The following GIPC2 variants were observed in gnomAD, a reference collection of about 807,000 sequenced individuals.
GIPC2 encodes GIPC PDZ domain containing family member 2, also known as PDZ domain-containing protein GIPC2.
Under a neutral mutation model 30.6 loss-of-function variants are expected in GIPC2, and 30 were observed. That is an observed-to-expected ratio of 0.98 (90% confidence interval 0.73 to 1.33). GIPC2 has a LOEUF of 1.33. Ranked by LOEUF, GIPC2 falls within the 40% of genes most tolerant of loss-of-function variation. The pLI, the probability that GIPC2 is intolerant of heterozygous loss-of-function variation, is 0.00. For missense variants in GIPC2, 414 were observed against 390.3 expected (o/e 1.06, Z -0.51); for synonymous variants, 167 against 150.0 (o/e 1.11, Z -0.83).
intron 1 of GIPC2, among the ~76,000 whole-genome samples, chr1:78,051,758 G>A (rs1661201728): frequency 1.3e-5 from 2 of 152,162 alleles, no homozygotes; most frequent in Admixed American, 6.5e-5. Flanking sequence ...GCCTCCCAAA[G>A]TGCTAGGATT....
At chr1:78,104,848 C>G (rs375229380) in intron 3 of GIPC2, among the ~76,000 whole-genome samples, 1 of 152,110 alleles carries the variant, frequency 6.6e-6, no homozygotes, top group Admixed American at 6.6e-5. Context: ...TACTCTCTTT[C>G]ATGTATTTTT....
intron 1 of GIPC2, among the ~76,000 whole-genome samples, chr1:78,048,890 A>G (rs1307476307): frequency 6.6e-6 from 1 of 152,244 alleles, no homozygotes; most frequent in Non-Finnish European, 1.5e-5. Context: ...ATAACATTTT[A>G]TAACCCGGGT....
At position 78,046,064 on chromosome 1, in the gene GIPC2, G is replaced by C. The variant is rs1661063706; in HGVS notation, c.-31G>C. 7.1e-6 allele frequency: 10 copies of C among 1,407,784 alleles called. No individual in the cohort carries two copies. Among genetic ancestry groups the C allele is most frequent in the Non-Finnish European group, 9.2e-6 (10 of 1,083,960 alleles). The allele number at this position is 1,407,784 out of a possible 1,614,324, so 87.2% of individuals were successfully genotyped here. On this transcript the variant is annotated 5_prime_UTR_variant, in exon 1 of 6. Transcript: ENST00000370759. The stretch of plus-strand genomic sequence containing the variant: ...GGGGGAGGAGGCGGCGGACGGCAGC[G>C]CAGGTGGGCCCGCGCTCTCGGCCCT...
intron 4 of GIPC2, among the ~76,000 whole-genome samples, chr1:78,123,791 G>A (rs751918804): frequency 3.9e-5 from 6 of 152,192 alleles, no homozygotes; most frequent in Non-Finnish European, 5.9e-5. Flanking sequence ...ACTTGTCACC[G>A]TAACTTAAAA....
chr1:78,103,438 G>A (rs1662287042), intron 3 of GIPC2, among the ~76,000 whole-genome samples: 1 of 152,162 alleles, frequency 6.6e-6, no homozygotes, highest in African/African-American at 2.4e-5. Context: ...GTATGTATGT[G>A]CTTAGAACAG....
chr1:78,109,427 C>A (rs956789572), intron 3 of GIPC2, among the ~76,000 whole-genome samples: 3 of 152,166 alleles, frequency 2.0e-5, no homozygotes, highest in Non-Finnish European at 4.4e-5. Context: ...TAATAGAATG[C>A]AAAATGAGGT....
chr1:78,125,934 G>A lies in GIPC2; in HGVS notation c.768G>A (p.Leu256=), dbSNP rs746791727. ...AIEKIDDVLE[L]YMGIRDIDLA... is the part of the protein sequence containing the mutation. ...AAAAGATTGATGATGTTCTTGAGTTGTACATGGGAATTCGAGATATTGATT... is the reference window on the plus strand; with the variant it reads ...AAAAGATTGATGATGTTCTTGAGTTATACATGGGAATTCGAGATATTGATT... Residue 256 remains leucine, a synonymous_variant, in exon 5 of 6, where the codon TTG becomes TTA. Coordinates refer to ENST00000370759, the MANE Select transcript of GIPC2 (RefSeq NM_017655.6). 55 of 1,574,012 alleles carry A rather than the reference G, an allele frequency of 3.5e-5. No individual in the cohort carries two copies. The South Asian group carries it at 5.2e-4, about 15-fold the overall frequency.
chr1:78,069,938 G>A (rs567840223), intron 1 of GIPC2, among the ~76,000 whole-genome samples: 23 of 152,240 alleles, frequency 1.5e-4, no homozygotes, highest in Admixed American at 9.8e-4. Context: ...GGAATAGACT[G>A]TCTTCCCCCA....
At chr1:78,084,779 A>T (rs1661895881) in intron 2 of GIPC2, among the ~76,000 whole-genome samples, 1 of 152,142 alleles carries the variant, frequency 6.6e-6, no homozygotes. Flanking sequence ...ATTTTTGTAC[A>T]TTGATTTTGT....
intron 2 of GIPC2, among the ~76,000 whole-genome samples, chr1:78,088,027 A>G (rs1364021146): frequency 1.3e-5 from 2 of 152,218 alleles, no homozygotes; most frequent in Non-Finnish European, 2.9e-5. Context: ...TCATTAGAGA[A>G]ATGCAAATCA....
chr1:78,075,347 TA>T (rs1661698072), intron 1 of GIPC2, among the ~76,000 whole-genome samples: 1 of 152,086 alleles, frequency 6.6e-6, no homozygotes, highest in Admixed American at 6.5e-5. Flanking sequence ...TCCCAGCTAC[TA>T]GGGAGGCTGA....
At chr1:78,069,454 C>T (rs1011203945) in intron 1 of GIPC2, among the ~76,000 whole-genome samples, 2 of 150,978 alleles carry the variant, frequency 1.3e-5, no homozygotes, top group Non-Finnish European at 2.9e-5. Flanking sequence ...TTGGCTCCCT[C>T]ATCTAGGGAA....
intron 3 of GIPC2, among the ~76,000 whole-genome samples, chr1:78,100,937 A>AT (rs1303429119): frequency 8.6e-6 from 1 of 116,706 alleles, no homozygotes; most frequent in Non-Finnish European, 1.7e-5. Flanking sequence ...CAAAAAAAAA[A>AT]AAATACACAC....
chr1:78,117,370 T>G (rs950632211), intron 3 of GIPC2, among the ~76,000 whole-genome samples: 14 of 152,106 alleles, frequency 9.2e-5, no homozygotes, highest in Non-Finnish European at 2.1e-4. Context: ...TCCCCAACCT[T>G]TTTGGCACCA....
chr1:78,126,565 G>T (rs971034773), intron 5 of GIPC2, among the ~76,000 whole-genome samples: 2 of 151,700 alleles, frequency 1.3e-5, no homozygotes, highest in African/African-American at 4.8e-5. Flanking sequence ...AAAAAAAGGA[G>T]AAACTTATTG....
upstream of GIPC2, chr1:78,045,748 G>C: frequency 3.0e-6 from 3 of 985,496 alleles, no homozygotes; most frequent in Non-Finnish European, 3.6e-6. Flanking sequence ...AGAAGGGCCA[G>C]CGTGTTTGCC....
chr1:78,134,828 A>G (rs1444283553), intron 5 of GIPC2, among the ~76,000 whole-genome samples: 1 of 152,042 alleles, frequency 6.6e-6, no homozygotes, highest in Non-Finnish European at 1.5e-5. Flanking sequence ...CCCACATCAC[A>G]TATACACCAT....
At chr1:78,125,148 A>G (rs1357718745) in intron 4 of GIPC2, among the ~76,000 whole-genome samples, 1 of 152,124 alleles carries the variant, frequency 6.6e-6, no homozygotes, top group Admixed American at 6.5e-5. Context: ...TTCCCACTTT[A>G]GCCTCCTGAG....
intron 1 of GIPC2, among the ~76,000 whole-genome samples, chr1:78,063,397 C>A (rs1661441670): frequency 6.6e-6 from 1 of 151,650 alleles, no homozygotes; most frequent in South Asian, 2.1e-4. Flanking sequence ...GAGGCTGAGG[C>A]AGGAGAATTG....
Sources: gnomAD v4.1 joint callset for allele counts (sites outside exome capture counted in the v4.1 genomes callset) on GRCh38, gnomAD v4.1.1 for gene constraint, MANE v1.5 for transcripts, NCBI Gene and HGNC (gene_info 2026-07-23, HGNC 2026-07-21) for gene names.